SLC27A6: variants seen among roughly 807,000 people sequenced by gnomAD.
The protein encoded by SLC27A6 is solute carrier family 27 member 6.
In SLC27A6, 74 loss-of-function variants were observed where a neutral mutation model predicts 63.9. That is an observed-to-expected ratio of 1.16 (90% CI 0.96 to 1.40). The LOEUF is 1.40. Among genes scored for constraint, SLC27A6 ranks in the 40% most tolerant of loss-of-function variants. The probability of loss-of-function intolerance (pLI) is 0.00; values close to 1 mark genes in which losing one functional copy is unlikely to be tolerated. For missense variants in SLC27A6, 794 were observed against 732.9 expected (o/e 1.08, Z -0.96); for synonymous variants, 287 against 260.8 (o/e 1.10, Z -0.97).
At chr5:128,970,835 T>C (rs1750124939) in intron 1 of SLC27A6, among the ~76,000 whole-genome samples, 1 of 149,928 alleles carries the variant, frequency 6.7e-6, no homozygotes, top group Non-Finnish European at 1.5e-5. Context: ...CTCTAGTTCT[T>C]TTAATTGTGA....
intron 4 of SLC27A6, among the ~76,000 whole-genome samples, chr5:128,997,745 G>C (rs1751206026): frequency 6.6e-6 from 1 of 152,120 alleles, no homozygotes. Flanking sequence ...AAGAAATTTA[G>C]CTTTATGTAG....
chr5:129,024,672 A>T (rs1251983734), intron 6 of SLC27A6, among the ~76,000 whole-genome samples: 2 of 152,182 alleles, frequency 1.3e-5, no homozygotes, highest in Non-Finnish European at 2.9e-5. Context: ...GCTGCTGCAT[A>T]TAATCAAATT....
At chr5:128,974,144 A>G (rs1222696571) in intron 1 of SLC27A6, among the ~76,000 whole-genome samples, 2 of 152,228 alleles carry the variant, frequency 1.3e-5, no homozygotes, top group African/African-American at 2.4e-5. Flanking sequence ...ACTTCTCAAG[A>G]TAGAGCATTC....
intron 4 of SLC27A6, among the ~76,000 whole-genome samples, chr5:129,013,197 A>G (rs149980894): frequency 6.6e-6 from 1 of 152,078 alleles, no homozygotes; most frequent in African/African-American, 2.4e-5. Context: ...CATATTTTCC[A>G]CTTCTTTATA....
chr5:129,027,047 T>C lies in SLC27A6; in HGVS notation c.1256-86T>C. On this transcript the variant is annotated intron_variant, in intron 6 of 9. Transcript: ENST00000262462. Reference sequence around the variant, plus strand: ...CTGAGATAAGCAGCATTGGTTGTGCTGGCCAGATATAATATAGATACATTC... The same window carrying C: ...CTGAGATAAGCAGCATTGGTTGTGCCGGCCAGATATAATATAGATACATTC... The C allele has an allele frequency of 6.3e-6, 7 of 1,114,956 alleles. No individual in the cohort carries two copies. The South Asian group carries it at 9.4e-5, about 15-fold the overall frequency. The allele number at this position is 1,114,956 out of a possible 1,614,324, so 69.1% of individuals were successfully genotyped here. A position where few individuals can be genotyped will look rare whatever the true frequency, so the allele number is the denominator to read the frequency against.
intron 1 of SLC27A6, among the ~76,000 whole-genome samples, chr5:128,970,821 G>T (rs1482866298): frequency 7.1e-6 from 1 of 141,782 alleles, no homozygotes; most frequent in Non-Finnish European, 1.6e-5. Flanking sequence ...TTTTTCTCTT[G>T]CTTCTCTAGT....
At chr5:129,006,083 T>G (rs903070145) in intron 4 of SLC27A6, among the ~76,000 whole-genome samples, 1 of 121,222 alleles carries the variant, frequency 8.2e-6, no homozygotes, top group Non-Finnish European at 1.7e-5. Flanking sequence ...TTTTTTTTTT[T>G]TTTTTTTTTT....
intron 9 of SLC27A6, 75 bp downstream of exon 9, chr5:129,029,782 T>C: frequency 7.6e-7 from 1 of 1,317,456 alleles, no homozygotes; most frequent in Non-Finnish European, 1.1e-6. Context: ...AAAATAATAT[T>C]GTATCCTTTA....
chr5:128,969,334 A>G (rs1022547736), intron 1 of SLC27A6, among the ~76,000 whole-genome samples: 1 of 140,324 alleles, frequency 7.1e-6, no homozygotes. Flanking sequence ...GATGGCATTG[A>G]ATCTATAAGT....
At chr5:129,004,930 A>G (rs757406416) in intron 4 of SLC27A6, among the ~76,000 whole-genome samples, 2 of 152,028 alleles carry the variant, frequency 1.3e-5, no homozygotes, top group African/African-American at 2.4e-5. Flanking sequence ...CTGCTATTCT[A>G]TTTCCTTGAC....
intron 4 of SLC27A6, among the ~76,000 whole-genome samples, chr5:129,002,472 T>TGTTCCTTCCCTCTCTC (rs527490298): frequency 5.3e-5 from 5 of 94,632 alleles, no homozygotes; most frequent in Middle Eastern, 4.6e-3. Context: ...TTCCCTCTCT[T>TGTTCCTTCCCTCTCTC]GTTCCTTCCC....
rs780791905 is a variant in SLC27A6 at position 128,988,605 on chromosome 5, C to G, written c.691C>G (p.Pro231Ala). The change falls in exon 3 of 10, where the codon CCA becomes GCA. Residue 231 changes from proline (P) to alanine (A), a missense_variant. By Grantham distance (27) the Pro-to-Ala change is conservative. Transcript: ENST00000262462. ...GTTCTTTTCTTTTCTTCCAGGTCTA[C>G]CAAAAGCAGCTGTGATTAGTCAGCT... ...YIFTSGTTGL[P>A]KAAVISQLQV... 1.9e-6 allele frequency: 3 copies of G among 1,613,680 alleles called. No individual in the cohort carries two copies. The South Asian group carries it at 3.3e-5, about 18-fold the overall frequency.
intron 1 of SLC27A6, 57 bp from the exon 2 acceptor site, chr5:128,985,076 A>C: frequency 3.9e-6 from 5 of 1,287,782 alleles, no homozygotes; most frequent in Non-Finnish European, 5.5e-6. Context: ...GCAACTCCAA[A>C]GTGAATTGTT....
chr5:128,978,738 A>G (rs962763502), intron 1 of SLC27A6, among the ~76,000 whole-genome samples: 6 of 152,354 alleles, frequency 3.9e-5, no homozygotes, highest in Admixed American at 1.3e-4. Context: ...AGCTACATGG[A>G]AATGCCTGAA....
At chr5:128,992,121 ACG>A (rs1751004946) in intron 4 of SLC27A6, among the ~76,000 whole-genome samples, 1 of 141,478 alleles carries the variant, frequency 7.1e-6, no homozygotes, top group Non-Finnish European at 1.5e-5. Context: ...ATATTGCCCT[ACG>A]TGGGGTGGGG....
intron 4 of SLC27A6, among the ~76,000 whole-genome samples, chr5:128,997,744 A>T (rs577814088): frequency 9.8e-5 from 15 of 152,332 alleles, no homozygotes; most frequent in African/African-American, 3.4e-4. Flanking sequence ...CAAGAAATTT[A>T]GCTTTATGTA....
At chr5:128,999,907 A>T (rs1047328575) in intron 4 of SLC27A6, among the ~76,000 whole-genome samples, 1 of 152,204 alleles carries the variant, frequency 6.6e-6, no homozygotes, top group African/African-American at 2.4e-5. Context: ...AACTACTGAC[A>T]GACCCTTCTG....
At chr5:129,028,547 T>A in intron 8 of SLC27A6, 105 bp downstream of exon 8, 1 of 672,948 alleles carries the variant, frequency 1.5e-6, no homozygotes, top group Non-Finnish European at 2.5e-6. Flanking sequence ...TTTTGTGTAT[T>A]AAGATAAAGA....
intron 2 of SLC27A6, among the ~76,000 whole-genome samples, chr5:128,987,198 CTTCTT>C (rs1561616204): frequency 6.6e-6 from 1 of 151,878 alleles, no homozygotes; most frequent in Non-Finnish European, 1.5e-5. Flanking sequence ...ATATATATAA[CTTCTT>C]TTAATACTTG....
Sources: gnomAD v4.1 joint callset for allele counts (sites outside exome capture counted in the v4.1 genomes callset) on GRCh38, gnomAD v4.1.1 for gene constraint, MANE v1.5 for transcripts, NCBI Gene and HGNC (gene_info 2026-07-23, HGNC 2026-07-21) for gene names.